The following GCGR variants were observed in gnomAD, a reference collection of about 807,000 sequenced individuals.
GCGR encodes glucagon receptor.
Under a neutral mutation model 56.1 loss-of-function variants are expected in GCGR, and 41 were observed. That is an observed-to-expected ratio of 0.73 (90% CI 0.57 to 0.95). The LOEUF is 0.95. Ranked by LOEUF, GCGR falls within the 40% of genes least tolerant of loss-of-function variation. GCGR has a pLI of 0.00. For synonymous variants in GCGR, 278 were observed against 271.1 expected, an observed-to-expected ratio of 1.03 and a Z score of -0.25; for missense variants, 595 against 638.2, an observed-to-expected ratio of 0.93 and a Z score of 0.73.
At position 81,813,118 on chromosome 17, in the gene GCGR, A is replaced by G. The variant is rs2038138736; in HGVS notation, c.1218+61A>G. 2 of 1,533,536 alleles carry G rather than the reference A, an allele frequency of 1.3e-6. No individual in the cohort carries two copies. The highest frequency in any genetic ancestry group is 1.7e-6 in the Non-Finnish European group (2 of 1,145,910). 95.0% of individuals were successfully genotyped at this position (1,533,536 alleles called of 1,614,324 possible). ...CTGGCCGTCGGGGTCAGGGGCAGAG[A>G]GAGGCACAGGGATGCCAGCCCCACC... On this transcript the variant is annotated intron_variant, in intron 13 of 13. Coordinates refer to ENST00000400723, the MANE Select transcript of GCGR (RefSeq NM_000160.5). This position sits in a 1 kb window ranked among gnomAD's most constrained non-coding sequence, Gnocchi z 5.3.
In GCGR at chr17:81,813,323, G is replaced by A; in HGVS notation, c.1219-151G>A. ...CAGACTGCTTTCCGTGGCGATGCTG[G>A]GTGGCATAGCTGTGCCCAGCAGGGA... On this transcript the variant is annotated intron_variant, in intron 13 of 13. Coordinates refer to ENST00000400723, the MANE Select transcript of GCGR (RefSeq NM_000160.5). The surrounding 1 kb of genome is among the most constrained non-coding windows in gnomAD (Gnocchi z 5.3). 2 of 884,064 alleles carry A rather than the reference G, an allele frequency of 2.3e-6. No individual in the cohort carries two copies. Among genetic ancestry groups the A allele is most frequent in the Non-Finnish European group, 1.7e-6 (1 of 581,066 alleles). 54.8% of individuals were successfully genotyped at this position (884,064 alleles called of 1,614,324 possible).
rs761720188 is a variant in GCGR, at chr17:81,812,199, G to A, written c.895G>A (p.Asp299Asn). Residue 299 changes from aspartate to asparagine, a missense_variant, in exon 10 of 14, where the codon GAC (aspartate) becomes AAC (asparagine). Asp to Asn is a conservative substitution (Grantham distance 23). Coordinates refer to ENST00000400723, the MANE Select transcript of GCGR (RefSeq NM_000160.5). The surrounding 1 kb of genome is among the most constrained non-coding windows in gnomAD (Gnocchi z 8.5). ...FENVQCWTSN[D>N]NMGFWWILRF... ...GCCTCGCAGGTGCTGGACCAGCAAT[G>A]ACAACATGGGCTTCTGGTGGATCCT... 6.5e-6 allele frequency: 10 copies of A among 1,536,250 alleles called. No homozygotes were observed. The South Asian group carries it at 1.2e-4, about 18-fold the overall frequency.
In GCGR at chr17:81,813,468, C is replaced by A. The variant is rs548342505; in HGVS notation, c.1219-6C>A. On this transcript the variant is annotated splice_region_variant and splice_polypyrimidine_tract_variant and intron_variant, in intron 13 of 13. Transcript: ENST00000400723. The surrounding 1 kb of genome is among the most constrained non-coding windows in gnomAD (Gnocchi z 5.3). ...TAGGACTGGCCTGCCCCGTCCCCCTCCCCAGGTGCAGTCGGAGCTGCGGCG... is the reference window on the plus strand; with the variant it reads ...TAGGACTGGCCTGCCCCGTCCCCCTACCCAGGTGCAGTCGGAGCTGCGGCG... 132 of 1,534,358 alleles carry A rather than the reference C, an allele frequency of 8.6e-5. No individual in the cohort carries two copies. In the East Asian group the frequency reaches 3.1e-3, roughly 36 times the overall value.
intron 1 of GCGR, chr17:81,805,085 C>T (rs948593432): frequency 6.6e-6 from 1 of 152,324 alleles, no homozygotes; most frequent in African/African-American, 2.4e-5. Context: ...CCCTGACCTT[C>T]CACTACCTTC....
At chr17:81,805,568 C>T (rs1184300419) in intron 1 of GCGR, among the ~76,000 whole-genome samples, 1 of 148,590 alleles carries the variant, frequency 6.7e-6, no homozygotes, top group African/African-American at 2.6e-5. Flanking sequence ...CCTCGGGAAC[C>T]CCCCACATTG....
rs1181987947 is a variant in GCGR, at chr17:81,811,875, G to T, written c.818-11G>T. Reference sequence around the variant, plus strand: ...CCAAGCCTTTGGGACCACAGCTGCTGCCCCCCACAGGTGCCCCCATGCTGT... The same window carrying T: ...CCAAGCCTTTGGGACCACAGCTGCTTCCCCCCACAGGTGCCCCCATGCTGT... On this transcript the variant is annotated splice_polypyrimidine_tract_variant and intron_variant, in intron 8 of 13. Coordinates refer to ENST00000400723, the MANE Select transcript of GCGR (RefSeq NM_000160.5). The surrounding 1 kb of genome is among the most constrained non-coding windows in gnomAD (Gnocchi z 5.8). 36 of 1,536,944 alleles carry T rather than the reference G, an allele frequency of 2.3e-5. No individual in the cohort carries two copies. Among genetic ancestry groups the T allele is most frequent in the Non-Finnish European group, 3.1e-5 (35 of 1,146,892 alleles).
Position 81,811,797 on chromosome 17 carries a change from G to A in GCGR, c.804G>A (p.Leu268=), listed in dbSNP as rs2038106282. 1 of 1,537,408 alleles carries A rather than the reference G, an allele frequency of 6.5e-7. No individual in the cohort carries two copies. Among genetic ancestry groups the A allele is most frequent in the East Asian group, 2.4e-5 (1 of 40,924 alleles). The change falls in exon 8 of 14, where the codon CTG becomes CTA. Residue 268 remains leucine, a synonymous_variant. Transcript: ENST00000400723. The surrounding 1 kb of genome is among the most constrained non-coding windows in gnomAD (Gnocchi z 5.8). ...AGAGGAGCTTCTTCAGCCTCTACCT[G>A]GGCATCGGCTGGGGTGAGTGGGCTG... ...LPERSFFSLY[L]GIGWGAPMLF...
chr17:81,809,402 TCTGCCTGTCCGTCTGC>T (rs1238330668), intron 2 of GCGR, among the ~76,000 whole-genome samples: 3 of 137,088 alleles, frequency 2.2e-5, no homozygotes, highest in Non-Finnish European at 3.1e-5. Context: ...CGTCTGCCTG[TCTGCCTGTCCGTCTGC>T]CTGCCTGTCC....
intron 1 of GCGR, among the ~76,000 whole-genome samples, chr17:81,808,516 C>CTTTTTTT: frequency 7.4e-6 from 1 of 134,798 alleles, no homozygotes; most frequent in Non-Finnish European, 1.6e-5. Context: ...CTATCGCCCT[C>CTTTTTTT]TTTTTTTTTT....
intron 3 of GCGR, 102 bp downstream of exon 3, chr17:81,809,986 C>G: frequency 2.2e-6 from 2 of 891,552 alleles, no homozygotes; most frequent in Non-Finnish European, 1.8e-6. Flanking sequence ...CCTTTGAGGA[C>G]CCCGCCAAGG....
At chr17:81,805,965 C>A (rs186612360) in intron 1 of GCGR, among the ~76,000 whole-genome samples, 1 of 152,154 alleles carries the variant, frequency 6.6e-6, no homozygotes, top group African/African-American at 2.4e-5. Flanking sequence ...TGTCTCCTCT[C>A]GGGGGAGAGG....
Position 81,812,331 on chromosome 17 carries a change from C to A in GCGR, c.948+79C>A. On this transcript the variant is annotated intron_variant, in intron 10 of 13. Coordinates refer to ENST00000400723, the MANE Select transcript of GCGR (RefSeq NM_000160.5). The surrounding 1 kb of genome is among the most constrained non-coding windows in gnomAD (Gnocchi z 8.5). Reference sequence around the variant, plus strand: ...CTGAGGCTGCCCCAGGAGACAGCAGCATCCTGTCTGAGAGCGCTGGGAGGG... The same window carrying A: ...CTGAGGCTGCCCCAGGAGACAGCAGAATCCTGTCTGAGAGCGCTGGGAGGG... 2 of 1,463,614 alleles carry A rather than the reference C, an allele frequency of 1.4e-6. No homozygotes were observed. Among genetic ancestry groups the A allele is most frequent in the Non-Finnish European group, 9.2e-7 (1 of 1,083,096 alleles). The allele number at this position is 1,463,614 out of a possible 1,614,324, so 90.7% of individuals were successfully genotyped here.
chr17:81,804,882 C>G lies in GCGR; in HGVS notation c.-178+633C>G, dbSNP rs561658228. On this transcript the variant is annotated intron_variant, in intron 1 of 13. Coordinates refer to ENST00000400723, the MANE Select transcript of GCGR (RefSeq NM_000160.5). This position sits in a 1 kb window ranked among gnomAD's most constrained non-coding sequence, Gnocchi z 8.2. ...CGGCCACCGGGCTTATGCTCCGACT[C>G]TGAACCGACTGACCCCGGCCCCCTC... 2.0e-5 allele frequency among the ~76,000 whole-genome samples: 3 copies of G among 152,320 alleles called. No individual in the cohort carries two copies. The highest frequency in any genetic ancestry group is 4.4e-5 in the Non-Finnish European group (3 of 68,012).
intron 1 of GCGR, among the ~76,000 whole-genome samples, chr17:81,805,804 G>T (rs1243338204): frequency 6.6e-6 from 1 of 152,144 alleles, no homozygotes. Context: ...CTGGTGGGTC[G>T]TCCCACCTAC....
At position 81,812,429 on chromosome 17, in the gene GCGR, C is replaced by G. The variant is rs953962843; in HGVS notation, c.949-148C>G. On this transcript the variant is annotated intron_variant, in intron 10 of 13. Coordinates refer to ENST00000400723, the MANE Select transcript of GCGR (RefSeq NM_000160.5). The surrounding 1 kb of genome is among the most constrained non-coding windows in gnomAD (Gnocchi z 8.5). The stretch of plus-strand genomic sequence containing the variant: ...ACTGAGCCAGGCTGTTCCTCCCTGG[C>G]TGTGTGCCCACCAGCCCCAGGGCTA... The G allele has an allele frequency of 3.4e-4, 349 of 1,039,940 alleles. 1 individual carries two copies. The highest frequency in any genetic ancestry group is 3.8e-4 in the Non-Finnish European group (276 of 719,628). 64.4% of individuals were successfully genotyped at this position (1,039,940 alleles called of 1,614,324 possible). A position where few individuals can be genotyped will look rare whatever the true frequency, so the allele number is the denominator to read the frequency against.
intron 1 of GCGR, among the ~76,000 whole-genome samples, chr17:81,807,148 C>T (rs866512196): frequency 4.6e-5 from 7 of 152,266 alleles, no homozygotes; most frequent in Admixed American, 6.5e-5. Context: ...GAGCTGGGGA[C>T]GCCAAAACTG....
In GCGR at chr17:81,806,974, C is replaced by A. The variant is rs2037977615; in HGVS notation, c.-177-1868C>A. ...TGAGCCTGCCCACCTAGCAGTGCCC[C>A]TCGTCCAGGGCCCCTCTGGGTTGGG... On this transcript the variant is annotated intron_variant, in intron 1 of 13. Coordinates refer to ENST00000400723, the MANE Select transcript of GCGR (RefSeq NM_000160.5). The surrounding 1 kb of genome is among the most constrained non-coding windows in gnomAD (Gnocchi z 6.5). Among the ~76,000 whole-genome samples the A allele has an allele frequency of 6.6e-6, 1 of 152,178 alleles. No homozygotes were observed. Among genetic ancestry groups the A allele is most frequent in the African/African-American group, 2.4e-5 (1 of 41,450 alleles).
rs942934077 is a variant in GCGR at position 81,811,199 on chromosome 17, T to C, written c.394-23T>C. ...GGGCATGGGGGCCCCTGCCTGGCCC[T>C]CACAGGCCACTGTAACTCGCAGAAG... On this transcript the variant is annotated intron_variant, in intron 5 of 13. Coordinates refer to ENST00000400723, the MANE Select transcript of GCGR (RefSeq NM_000160.5). This position sits in a 1 kb window ranked among gnomAD's most constrained non-coding sequence, Gnocchi z 5.8. The C allele has an allele frequency of 6.5e-7, 1 of 1,536,070 alleles. No homozygotes were observed. Among genetic ancestry groups the C allele is most frequent in the Admixed American group, 2.0e-5 (1 of 50,994 alleles).
chr17:81,809,797 G>A lies in GCGR; in HGVS notation c.76G>A (p.Ala26Thr), dbSNP rs770131289. 64 of 1,536,352 alleles carry A rather than the reference G, an allele frequency of 4.2e-5. No individual in the cohort carries two copies. In the East Asian group the frequency reaches 6.4e-4, roughly 15 times the overall value. Residue 26 changes from alanine to threonine, a missense_variant, in exon 3 of 14, where the codon GCT (alanine) becomes ACT (threonine). By Grantham distance (58) the Ala-to-Thr change is moderately conservative (BLOSUM62 0). Transcript: ENST00000400723. ...LLACQPQVPS[A>T]QVMDFLFEKW... The stretch of plus-strand genomic sequence containing the variant: ...TGTCCCCCAGCCACAGGTCCCCTCC[G>A]CTCAGGTGATGGACTTCCTGTTTGA...
Sources: allele counts gnomAD v4.1 joint callset (sites outside exome capture counted in the v4.1 genomes callset), GRCh38; gene constraint gnomAD v4.1.1; non-coding constraint Gnocchi (gnomAD v3.1); transcripts MANE v1.5; gene names NCBI Gene and HGNC (gene_info 2026-07-23, HGNC 2026-07-21).